The following TRPC4 variants were observed in gnomAD, a reference collection of about 807,000 sequenced individuals.
TRPC4 encodes transient receptor potential cation channel subfamily C member 4, also known as short transient receptor potential channel 4.
In TRPC4, 49 loss-of-function variants were observed where a neutral mutation model predicts 99.4. The observed-to-expected ratio is 0.49, with a 90% CI of 0.39 to 0.63. TRPC4 has a LOEUF of 0.63. Among genes scored for constraint, TRPC4 ranks in the 20% least tolerant of loss-of-function variants. The probability of loss-of-function intolerance (pLI) is 0.00; values close to 1 mark genes in which losing one functional copy is unlikely to be tolerated. For missense variants in TRPC4, 898 were observed against 1,152.9 expected (o/e 0.78, Z 3.20); for synonymous variants, 454 against 425.9 (o/e 1.07, Z -0.81).
At chr13:37,847,338 C>T (rs567814092) in intron 1 of TRPC4, among the ~76,000 whole-genome samples, 10 of 151,964 alleles carry the variant, frequency 6.6e-5, no homozygotes, top group South Asian at 2.1e-4. Flanking sequence ...TCATATCAAG[C>T]GGTTTTTCAG....
chr13:37,715,906 C>G (rs578077456), intron 3 of TRPC4, among the ~76,000 whole-genome samples: 1 of 152,154 alleles, frequency 6.6e-6, no homozygotes, highest in Non-Finnish European at 1.5e-5. Context: ...TCCCTGCCAA[C>G]CTATGACAGA....
chr13:37,716,335 T>C (rs1009021198), intron 3 of TRPC4, among the ~76,000 whole-genome samples: 6 of 152,126 alleles, frequency 3.9e-5, no homozygotes, highest in African/African-American at 1.4e-4. Flanking sequence ...TACCTTCTGT[T>C]AGAGGAGAAT....
chr13:37,693,337 A>C (rs1953789265), intron 3 of TRPC4, among the ~76,000 whole-genome samples: 1 of 152,192 alleles, frequency 6.6e-6, no homozygotes, highest in Non-Finnish European at 1.5e-5. Flanking sequence ...TGGGAGAACA[A>C]GAGCATAACC....
At chr13:37,710,794 T>G (rs1954458103) in intron 3 of TRPC4, among the ~76,000 whole-genome samples, 1 of 151,916 alleles carries the variant, frequency 6.6e-6, no homozygotes. Flanking sequence ...CCATGGATTT[T>G]ATCAGTTACA....
chr13:37,822,427 C>G (rs1312278736), intron 1 of TRPC4, among the ~76,000 whole-genome samples: 19 of 151,238 alleles, frequency 1.3e-4, no homozygotes, highest in African/African-American at 4.4e-4. Flanking sequence ...CCTCCCCCCC[C>G]ACCCCACAAC....
At chr13:37,779,552 C>T (rs147992494) in intron 2 of TRPC4, among the ~76,000 whole-genome samples, 136 of 152,026 alleles carry the variant, frequency 8.9e-4, no homozygotes, top group African/African-American at 3.2e-3. Context: ...TTACATGCTG[C>T]ATTGAGAAAA....
At chr13:37,842,818 T>C (rs1027051831) in intron 1 of TRPC4, among the ~76,000 whole-genome samples, 1 of 152,216 alleles carries the variant, frequency 6.6e-6, no homozygotes, top group African/African-American at 2.4e-5. Flanking sequence ...CATAGAGCTT[T>C]TTGAAACCAG....
rs1031984462 is a variant in TRPC4 at position 37,634,376 on chromosome 13, G to A, written c.*2527C>T. Among the ~76,000 whole-genome samples, 15 of 151,910 alleles carry A rather than the reference G, an allele frequency of 9.9e-5. No homozygotes were observed. Among genetic ancestry groups the A allele is most frequent in the African/African-American group, 3.6e-4 (15 of 41,382 alleles). On this transcript the variant is annotated 3_prime_UTR_variant, in exon 11 of 11. Coordinates refer to ENST00000379705, the MANE Select transcript of TRPC4 (RefSeq NM_016179.4). The stretch of plus-strand genomic sequence containing the variant: ...ATTCTAGTGATATTAGTAACATCGG[G>A]TACTAATAATATCCAGCACTTTGTT...
intron 1 of TRPC4, among the ~76,000 whole-genome samples, chr13:37,852,521 G>GT (rs1316415011): frequency 1.3e-5 from 2 of 152,170 alleles, no homozygotes; most frequent in Non-Finnish European, 2.9e-5. Flanking sequence ...GGCTTCAGAT[G>GT]TGACCCAGAA....
At chr13:37,717,046 A>G (rs962219707) in intron 3 of TRPC4, among the ~76,000 whole-genome samples, 4 of 152,184 alleles carry the variant, frequency 2.6e-5, no homozygotes, top group African/African-American at 9.6e-5. Flanking sequence ...TAGGTGGAAA[A>G]CAAAAACATC....
chr13:37,746,506 CTG>C (rs759622123), intron 2 of TRPC4, 51 bp from the exon 3 acceptor site: 4 of 1,528,518 alleles, frequency 2.6e-6, no homozygotes, highest in South Asian at 1.3e-5. Context: ...TTGTTCAAGT[CTG>C]TGAATTTCAT....
intron 5 of TRPC4, among the ~76,000 whole-genome samples, chr13:37,668,845 T>C (rs960920894): frequency 6.6e-6 from 1 of 152,168 alleles, no homozygotes; most frequent in African/African-American, 2.4e-5. Flanking sequence ...TTCTAGAAAT[T>C]TATCAGATAA....
At chr13:37,827,044 C>T (rs1001188284) in intron 1 of TRPC4, among the ~76,000 whole-genome samples, 2 of 152,046 alleles carry the variant, frequency 1.3e-5, no homozygotes, top group Admixed American at 6.6e-5. Flanking sequence ...TGCTGATACC[C>T]TTTCTTCCAG....
At chr13:37,833,458 A>C (rs1449804640) in intron 1 of TRPC4, among the ~76,000 whole-genome samples, 2 of 152,168 alleles carry the variant, frequency 1.3e-5, no homozygotes, top group African/African-American at 4.8e-5. Flanking sequence ...TAATTCACTT[A>C]GCTGTTAACG....
chr13:37,733,759 T>C (rs55759424), intron 3 of TRPC4, among the ~76,000 whole-genome samples: 17,352 of 152,112 alleles, frequency 0.11, 1,613 homozygotes, highest in African/African-American at 0.26. Context: ...CTAAGCACTG[T>C]TTCAGGGATT....
At chr13:37,831,169 A>G (rs1283189121) in intron 1 of TRPC4, among the ~76,000 whole-genome samples, 1 of 152,070 alleles carries the variant, frequency 6.6e-6, no homozygotes, top group African/African-American at 2.4e-5. Context: ...TCAAGAAATC[A>G]TTGCCCAGAC....
chr13:37,821,190 C>CCACACACACACACACACACACA (rs3086254), intron 1 of TRPC4, among the ~76,000 whole-genome samples: 1 of 135,938 alleles, frequency 7.4e-6, no homozygotes. Flanking sequence ...TTCACAATAG[C>CCACACACACACACACACACACA]CACACACACA....
intron 4 of TRPC4, among the ~76,000 whole-genome samples, chr13:37,677,418 A>G (rs1953097811): frequency 6.6e-6 from 1 of 152,070 alleles, no homozygotes; most frequent in African/African-American, 2.4e-5. Context: ...AAAAAAGTAC[A>G]GGCATAACTC....
chr13:37,773,670 T>A (rs1266456703), intron 2 of TRPC4, among the ~76,000 whole-genome samples: 3 of 151,738 alleles, frequency 2.0e-5, no homozygotes, highest in Non-Finnish European at 4.4e-5. Context: ...TGAAAGAACT[T>A]ACCACAAGGG....
Sources: allele counts gnomAD v4.1 joint callset (sites outside exome capture counted in the v4.1 genomes callset), GRCh38; gene constraint gnomAD v4.1.1; transcripts MANE v1.5; gene names NCBI Gene and HGNC (gene_info 2026-07-23, HGNC 2026-07-21).